The following PRKG1 variants were observed in gnomAD, a reference collection of about 807,000 sequenced individuals.
PRKG1 encodes the protein cGMP-dependent protein kinase 1.
A neutral mutation model predicts 88.1 loss-of-function variants in PRKG1; 35 were observed. That is an observed-to-expected ratio of 0.40 (90% CI 0.30 to 0.53). The LOEUF is 0.53. Ranked by LOEUF, PRKG1 falls within the 20% of genes least tolerant of loss-of-function variation. The pLI, the probability that PRKG1 is intolerant of heterozygous loss-of-function variation, is 0.59. For synonymous variants in PRKG1, 303 were observed against 292.5 expected (o/e 1.04, Z -0.37); for missense variants, 540 against 839.8 (o/e 0.64, Z 4.41).
chr10:51,337,362 A>G (rs1208171803), intron 2 of PRKG1, among the ~76,000 whole-genome samples: 3 of 152,228 alleles, frequency 2.0e-5, no homozygotes, highest in African/African-American at 7.2e-5. Context: ...CAGAAACTTC[A>G]TGATGAAATT....
At chr10:51,028,696 G>C (rs1843241152) in intron 1 of PRKG1, among the ~76,000 whole-genome samples, 2 of 152,136 alleles carry the variant, frequency 1.3e-5, no homozygotes, top group Non-Finnish European at 2.9e-5. Context: ...ATTTAAGTTT[G>C]TTGGCTCAAA....
At chr10:51,951,172 G>GC (rs1843174982) in intron 5 of PRKG1, among the ~76,000 whole-genome samples, 1 of 151,934 alleles carries the variant, frequency 6.6e-6, no homozygotes, top group African/African-American at 2.4e-5. Flanking sequence ...CCTTCAGGCT[G>GC]TTTTTTTTGG....
intron 1 of PRKG1, among the ~76,000 whole-genome samples, chr10:51,099,242 T>A (rs926479278): frequency 3.3e-5 from 5 of 152,110 alleles, no homozygotes; most frequent in African/African-American, 1.2e-4. Flanking sequence ...AAGAACACCC[T>A]GGAGTGAGGG....
intron 2 of PRKG1, among the ~76,000 whole-genome samples, chr10:51,271,357 G>A (rs2132177571): frequency 6.6e-6 from 1 of 151,796 alleles, no homozygotes; most frequent in East Asian, 1.9e-4. Flanking sequence ...AGTTTCCCAT[G>A]GATACAGAGC....
At chr10:51,492,775 C>T (rs76224585) in intron 3 of PRKG1, among the ~76,000 whole-genome samples, 2,862 of 151,956 alleles carry the variant, frequency 0.019, 40 homozygotes, top group Middle Eastern at 0.027. Context: ...TAAATGAGAA[C>T]GATATGTATT....
intron 17 of PRKG1, 54 bp downstream of exon 17, chr10:52,290,344 C>A: frequency 7.1e-7 from 1 of 1,403,554 alleles, no homozygotes; most frequent in Non-Finnish European, 9.9e-7. Context: ...GTGTTTATGT[C>A]AGTCAACAAT....
intron 2 of PRKG1, among the ~76,000 whole-genome samples, chr10:51,293,792 A>G (rs1209208259): frequency 1.3e-5 from 2 of 152,158 alleles, no homozygotes; most frequent in South Asian, 2.1e-4. Flanking sequence ...AGGAACTTCC[A>G]TGCTGTTTTT....
intron 3 of PRKG1, among the ~76,000 whole-genome samples, chr10:51,528,276 T>C (rs1235721493): frequency 6.6e-6 from 1 of 152,196 alleles, no homozygotes; most frequent in Non-Finnish European, 1.5e-5. Flanking sequence ...GTGGTAGTTA[T>C]GTAAAAGTTC....
intron 7 of PRKG1, among the ~76,000 whole-genome samples, chr10:52,084,464 A>C (rs1846861217): frequency 6.6e-6 from 1 of 152,086 alleles, no homozygotes; most frequent in Non-Finnish European, 1.5e-5. Context: ...TAGAAGTTGC[A>C]AGATTAACAC....
At chr10:52,053,055 TGAA>T (rs1229317161) in intron 5 of PRKG1, among the ~76,000 whole-genome samples, 1 of 152,212 alleles carries the variant, frequency 6.6e-6, no homozygotes, top group Admixed American at 6.5e-5. Flanking sequence ...ATAAATCAGT[TGAA>T]GAATATGCAT....
chr10:51,572,766 G>A (rs1295745325), intron 3 of PRKG1, among the ~76,000 whole-genome samples: 7 of 149,912 alleles, frequency 4.7e-5, no homozygotes, highest in Non-Finnish European at 1.0e-4. Flanking sequence ...GATAGCTTGA[G>A]AACCACTGGA....
chr10:51,648,421 A>G (rs1180749678), intron 3 of PRKG1, among the ~76,000 whole-genome samples: 1 of 152,212 alleles, frequency 6.6e-6, no homozygotes, highest in Non-Finnish European at 1.5e-5. Flanking sequence ...GTTGAAAATC[A>G]TAATCAAGTA....
chr10:51,580,520 T>C (rs1217411753), intron 3 of PRKG1, among the ~76,000 whole-genome samples: 2 of 152,132 alleles, frequency 1.3e-5, no homozygotes, highest in Non-Finnish European at 2.9e-5. Context: ...TTAAAATATT[T>C]TAAAAACATT....
chr10:52,191,469 G>T (rs1839363783), intron 9 of PRKG1, among the ~76,000 whole-genome samples: 1 of 151,978 alleles, frequency 6.6e-6, no homozygotes, highest in Non-Finnish European at 1.5e-5. Context: ...AACATGGCCT[G>T]GGTTGTTAAA....
chr10:52,207,971 G>A lies in PRKG1; in HGVS notation c.1077-43599G>A, dbSNP rs11001190. ...CAGCATCTAGTAGTCCTTCTTGGTCGCCCTTCCATCTCAACCTCTATTATC... is the reference window on the plus strand; with the variant it reads ...CAGCATCTAGTAGTCCTTCTTGGTCACCCTTCCATCTCAACCTCTATTATC... On this transcript the variant is annotated intron_variant, in intron 9 of 17. Coordinates refer to ENST00000373980, the MANE Select transcript of PRKG1 (RefSeq NM_006258.4). Among the ~76,000 whole-genome samples, 157 of 151,884 alleles carry A rather than the reference G, an allele frequency of 1.0e-3. 1 individual carries two copies. Among genetic ancestry groups the A allele is most frequent in the African/African-American group, 3.6e-3 (147 of 41,376 alleles).
intron 9 of PRKG1, among the ~76,000 whole-genome samples, chr10:52,211,713 A>AG (rs1554817695): frequency 2.0e-5 from 3 of 151,610 alleles, no homozygotes; most frequent in Non-Finnish European, 2.9e-5. Context: ...AAAAAAAAAA[A>AG]AAAAGAAAAG....
At chr10:51,685,903 C>T (rs1589195708) in intron 3 of PRKG1, among the ~76,000 whole-genome samples, 1 of 152,104 alleles carries the variant, frequency 6.6e-6, no homozygotes, top group Non-Finnish European at 1.5e-5. Flanking sequence ...GAAGAGACCA[C>T]TCTTCAGCCC....
chr10:51,365,715 G>A (rs759861217), intron 2 of PRKG1, among the ~76,000 whole-genome samples: 1 of 151,836 alleles, frequency 6.6e-6, no homozygotes, highest in African/African-American at 2.4e-5. Context: ...ATTCCTAGGG[G>A]ATTCAAATGT....
intron 8 of PRKG1, among the ~76,000 whole-genome samples, chr10:52,140,165 T>A (rs1837537262): frequency 6.6e-6 from 1 of 152,234 alleles, no homozygotes; most frequent in African/African-American, 2.4e-5. Flanking sequence ...ATTTGGCCTG[T>A]TGGCCATAAT....
Sources: gnomAD v4.1 joint callset for allele counts (sites outside exome capture counted in the v4.1 genomes callset) on GRCh38, gnomAD v4.1.1 for gene constraint, MANE v1.5 for transcripts, NCBI Gene and HGNC (gene_info 2026-07-23, HGNC 2026-07-21) for gene names.